ZBTB7C: variants seen among roughly 807,000 people sequenced by gnomAD.
ZBTB7C encodes the protein zinc finger and BTB domain-containing protein 7C.
ZBTB7C carries 8 observed loss-of-function variants against 25.7 expected under a neutral mutation model. That is an observed-to-expected ratio of 0.31 (90% CI 0.18 to 0.56). The LOEUF (loss-of-function observed/expected upper bound fraction) is 0.56. Among genes scored for constraint, ZBTB7C ranks in the 20% least tolerant of loss-of-function variants. The pLI, the probability that ZBTB7C is intolerant of heterozygous loss-of-function variation, is 0.91. For synonymous variants in ZBTB7C, 394 were observed against 369.0 expected, an observed-to-expected ratio of 1.07 and a Z score of -0.78; for missense variants, 824 against 855.2, an observed-to-expected ratio of 0.96 and a Z score of 0.46.
At position 48,148,765 on chromosome 18, in the gene ZBTB7C, T is replaced by A. The variant is rs574175956; in HGVS notation, c.-17+37169A>T. 2.0e-4 allele frequency: 31 copies of A among 152,326 alleles called. 1 individual carries two copies. The highest frequency in any genetic ancestry group is 5.3e-4 in the African/African-American group (22 of 41,568). The allele number at this position is 152,326 out of a possible 1,614,324, so 9.4% of individuals were successfully genotyped here. On this transcript the variant is annotated intron_variant, in intron 3 of 4. Transcript: ENST00000590800. The stretch of plus-strand genomic sequence containing the variant: ...ACGAAAAGTTTCAGCAAAGCAAATT[T>A]AAAAAGGCCTATGTGATCGATTACC...
chr18:48,387,823 G>T (rs1357163072), intron 1 of ZBTB7C, among the ~76,000 whole-genome samples: 1 of 107,326 alleles, frequency 9.3e-6, no homozygotes, highest in East Asian at 3.0e-4. Flanking sequence ...TTTTTTGTTT[G>T]GTTTGGTTTG....
chr18:48,267,773 T>A (rs1217693212), intron 2 of ZBTB7C, among the ~76,000 whole-genome samples: 1 of 152,120 alleles, frequency 6.6e-6, no homozygotes. Flanking sequence ...CCCCTGACCC[T>A]TACACCACGT....
chr18:48,357,745 C>T (rs1298950), intron 1 of ZBTB7C, among the ~76,000 whole-genome samples: 1 of 152,218 alleles, frequency 6.6e-6, no homozygotes, highest in African/African-American at 2.4e-5. Context: ...TTTCAGTGGC[C>T]TGAGACAACA....
At chr18:48,349,541 C>T (rs1054405651) in intron 1 of ZBTB7C, among the ~76,000 whole-genome samples, 5 of 152,126 alleles carry the variant, frequency 3.3e-5, no homozygotes, top group Admixed American at 2.6e-4. Context: ...GCACACAGCT[C>T]CAAAGGCAGA....
chr18:48,147,692 T>G (rs2040539272), intron 3 of ZBTB7C: 1 of 151,690 alleles, frequency 6.6e-6, no homozygotes, highest in Non-Finnish European at 1.5e-5. Context: ...CTCGGCTCAC[T>G]GCAACCTCTG....
chr18:48,241,803 A>C (rs1233699159), intron 2 of ZBTB7C, among the ~76,000 whole-genome samples: 1 of 152,174 alleles, frequency 6.6e-6, no homozygotes, highest in Non-Finnish European at 1.5e-5. Context: ...GGAACTAGAA[A>C]AACAAGAAGA....
chr18:48,252,825 GC>G (rs1329528941), intron 2 of ZBTB7C: 1 of 152,232 alleles, frequency 6.6e-6, no homozygotes, highest in Non-Finnish European at 1.5e-5. Context: ...GGGAAATAGA[GC>G]ACCAAGGTTA....
At chr18:48,301,553 G>A (rs1265574128) in intron 2 of ZBTB7C, among the ~76,000 whole-genome samples, 3 of 152,100 alleles carry the variant, frequency 2.0e-5, no homozygotes. Flanking sequence ...TATGGACTGT[G>A]GCTCCATCTC....
intron 2 of ZBTB7C, among the ~76,000 whole-genome samples, chr18:48,244,883 T>C (rs2043630363): frequency 6.6e-6 from 1 of 152,054 alleles, no homozygotes; most frequent in Non-Finnish European, 1.5e-5. Context: ...GAAAACAGTG[T>C]GGAGATTCCT....
At chr18:48,226,045 G>A (rs1375780000) in intron 2 of ZBTB7C, among the ~76,000 whole-genome samples, 3 of 152,112 alleles carry the variant, frequency 2.0e-5, no homozygotes, top group Non-Finnish European at 2.9e-5. Flanking sequence ...CCAGCCTGAG[G>A]AAACACTTCC....
chr18:48,062,769 C>G (rs2037172908), intron 3 of ZBTB7C, among the ~76,000 whole-genome samples: 1 of 152,174 alleles, frequency 6.6e-6, no homozygotes, highest in Admixed American at 6.5e-5. Context: ...TGATGAAGGC[C>G]TTAAGATGTC....
intron 3 of ZBTB7C, among the ~76,000 whole-genome samples, chr18:48,044,840 T>G (rs1375388902): frequency 1.3e-5 from 2 of 152,270 alleles, no homozygotes; most frequent in Admixed American, 6.5e-5. Context: ...CCCTTAGGCT[T>G]ACTCAGTCCT....
intron 3 of ZBTB7C, among the ~76,000 whole-genome samples, chr18:48,175,268 G>C (rs1385236863): frequency 6.6e-6 from 1 of 152,176 alleles, no homozygotes; most frequent in Non-Finnish European, 1.5e-5. Flanking sequence ...GGGGATGAGA[G>C]GAAGGTTTGT....
At chr18:48,100,634 C>T (rs952259690) in intron 3 of ZBTB7C, among the ~76,000 whole-genome samples, 13 of 152,296 alleles carry the variant, frequency 8.5e-5, no homozygotes, top group Non-Finnish European at 1.5e-4. Context: ...GGAAGTCTGT[C>T]TAATGAGCCC....
chr18:48,193,026 G>A (rs1028353189), intron 2 of ZBTB7C, among the ~76,000 whole-genome samples: 30 of 152,296 alleles, frequency 2.0e-4, no homozygotes, highest in African/African-American at 7.2e-4. Flanking sequence ...GGGCATCACT[G>A]AGTCCCCACT....
intron 3 of ZBTB7C, among the ~76,000 whole-genome samples, chr18:48,102,228 A>G (rs2038857005): frequency 1.3e-5 from 2 of 152,142 alleles, no homozygotes; most frequent in African/African-American, 4.8e-5. Context: ...GCACAACCAC[A>G]CTAGCCTGGG....
intron 2 of ZBTB7C, among the ~76,000 whole-genome samples, chr18:48,221,570 C>T (rs2042958589): frequency 6.6e-6 from 1 of 150,968 alleles, no homozygotes; most frequent in Non-Finnish European, 1.5e-5. Flanking sequence ...TCTATACTGT[C>T]CTTGTCTCCT....
chr18:48,192,022 T>C (rs918280819), intron 2 of ZBTB7C, among the ~76,000 whole-genome samples: 1 of 152,170 alleles, frequency 6.6e-6, no homozygotes, highest in African/African-American at 2.4e-5. Flanking sequence ...TATTCATAAT[T>C]GCCAACAACC....
upstream of ZBTB7C, among the ~76,000 whole-genome samples, chr18:48,412,547 C>T (rs1434791107): frequency 1.3e-5 from 2 of 152,100 alleles, no homozygotes; most frequent in African/African-American, 4.8e-5. Flanking sequence ...TCCTCCCCTG[C>T]GATGCTGCCT....
Sources: gnomAD v4.1 joint callset for allele counts (sites outside exome capture counted in the v4.1 genomes callset) on GRCh38, gnomAD v4.1.1 for gene constraint, MANE v1.5 for transcripts, NCBI Gene and HGNC (gene_info 2026-07-23, HGNC 2026-07-21) for gene names.